The following DCLK1 variants were observed in gnomAD, a reference collection of about 807,000 sequenced individuals.
The protein encoded by DCLK1 is doublecortin like kinase 1.
A neutral mutation model predicts 86.2 loss-of-function variants in DCLK1; 16 were observed. That is an observed-to-expected ratio of 0.19 (90% CI 0.13 to 0.28). The LOEUF is 0.28. Ranked by LOEUF, DCLK1 falls within the 10% of genes least tolerant of loss-of-function variation. The probability of loss-of-function intolerance (pLI) is 1.00; values close to 1 mark genes in which losing one functional copy is unlikely to be tolerated. For synonymous variants in DCLK1, 369 were observed against 370.5 expected, an observed-to-expected ratio of 1.00 and a Z score of 0.05; for missense variants, 590 against 940.2, an observed-to-expected ratio of 0.63 and a Z score of 4.87.
chr13:35,954,591 CCCTT>C (rs1395519803), intron 3 of DCLK1, among the ~76,000 whole-genome samples: 22 of 152,126 alleles, frequency 1.4e-4, no homozygotes, highest in African/African-American at 5.1e-4. Context: ...CATTCTCCAT[CCCTT>C]CTTTACATTT....
intron 4 of DCLK1, among the ~76,000 whole-genome samples, chr13:35,939,677 T>C (rs1378419465): frequency 6.6e-6 from 1 of 152,214 alleles, no homozygotes; most frequent in Non-Finnish European, 1.5e-5. Context: ...ATCACAGGCA[T>C]GAGCCACCAT....
chr13:35,867,929 GAAA>G (rs1871948209), intron 5 of DCLK1, among the ~76,000 whole-genome samples: 1 of 133,920 alleles, frequency 7.5e-6, no homozygotes, highest in Non-Finnish European at 1.6e-5. Flanking sequence ...AAGAAAGAAA[GAAA>G]GAAAGAAAGA....
intron 3 of DCLK1, among the ~76,000 whole-genome samples, chr13:36,110,027 T>G (rs1885552456): frequency 6.6e-6 from 1 of 152,216 alleles, no homozygotes; most frequent in South Asian, 2.1e-4. Context: ...AATTCTGAAG[T>G]GCAGCAGGGA....
intron 4 of DCLK1, among the ~76,000 whole-genome samples, chr13:35,895,872 A>T (rs879900059): frequency 6.6e-6 from 1 of 152,110 alleles, no homozygotes; most frequent in Non-Finnish European, 1.5e-5. Context: ...AAAAACTATT[A>T]CATCTACTAC....
At chr13:35,899,267 C>T (rs1367952393) in intron 4 of DCLK1, among the ~76,000 whole-genome samples, 1 of 151,724 alleles carries the variant, frequency 6.6e-6, no homozygotes, top group Non-Finnish European at 1.5e-5. Flanking sequence ...TCCCAAGCCC[C>T]AGGATAATAA....
At chr13:35,926,654 G>T (rs143944935) in intron 4 of DCLK1, among the ~76,000 whole-genome samples, 2 of 152,278 alleles carry the variant, frequency 1.3e-5, no homozygotes, top group East Asian at 3.9e-4. Context: ...CAGTTTCTTA[G>T]AACTGAAAAA....
chr13:35,859,223 C>T (rs1017844920), intron 5 of DCLK1, among the ~76,000 whole-genome samples: 1 of 152,152 alleles, frequency 6.6e-6, no homozygotes, highest in African/African-American at 2.4e-5. Flanking sequence ...CAGGGCTGAA[C>T]AATTAATTAT....
At chr13:36,032,854 G>A (rs186974149) in intron 3 of DCLK1, among the ~76,000 whole-genome samples, 9 of 152,328 alleles carry the variant, frequency 5.9e-5, no homozygotes, top group Admixed American at 5.2e-4. Context: ...AAACTTGGGT[G>A]TCTAAAAGTT....
chr13:35,919,965 C>G (rs996411292), intron 4 of DCLK1, among the ~76,000 whole-genome samples: 1 of 151,872 alleles, frequency 6.6e-6, no homozygotes, highest in Non-Finnish European at 1.5e-5. Context: ...ACGACACAGC[C>G]GGCAAATAAA....
chr13:35,810,845 C>A lies in DCLK1; in HGVS notation c.1678G>T (p.Ala560Ser). 6.2e-7 allele frequency: 1 copy of A among 1,613,858 alleles called. No individual in the cohort carries two copies. The highest frequency in any genetic ancestry group is 8.5e-7 in the Non-Finnish European group (1 of 1,179,902). The change falls in exon 12 of 17, where the codon GCA becomes TCA. Residue 560 changes from alanine to serine, a missense_variant. Transcript: ENST00000360631. ...AAGAGAAGCATTTACCCAGTCTCTGCAATGATTTCTGGAGCCACGTATGTT... is the reference window on the plus strand; with the variant it reads ...AAGAGAAGCATTTACCCAGTCTCTGAAATGATTTCTGGAGCCACGTATGTT... ...TPTYVAPEII[A>S]ETGYGLKVDI...
intron 3 of DCLK1, among the ~76,000 whole-genome samples, chr13:36,083,674 G>T (rs1474425844): frequency 6.6e-6 from 1 of 152,038 alleles, no homozygotes; most frequent in South Asian, 2.1e-4. Flanking sequence ...ATTCCTCCAG[G>T]AACAATCTTT....
chr13:36,130,973 G>A (rs1293430946), intron 1 of DCLK1, 141 bp downstream of exon 1: 1 of 151,562 alleles, frequency 6.6e-6, no homozygotes, highest in Non-Finnish European at 1.5e-5. Flanking sequence ...GCCTTTCGAG[G>A]AACTGCGGGC....
intron 4 of DCLK1, among the ~76,000 whole-genome samples, chr13:35,939,317 A>T (rs1310268932): frequency 6.6e-6 from 1 of 152,170 alleles, no homozygotes; most frequent in Non-Finnish European, 1.5e-5. Flanking sequence ...ATCATACCAG[A>T]TTTTATATCC....
In DCLK1 at chr13:35,899,328, G is replaced by A. The variant is rs185083332; in HGVS notation, c.824-27988C>T. 1.2e-4 allele frequency among the ~76,000 whole-genome samples: 18 copies of A among 148,342 alleles called. No homozygotes were observed. The East Asian group carries it at 1.6e-3, about 13-fold the overall frequency. On this transcript the variant is annotated intron_variant, in intron 4 of 16. Transcript: ENST00000360631. ...TTTTTCATTTTAAGTATGTGTCAAC[G>A]AGAAATACAAGTGTGTGTGTGTGTG...
intron 1 of DCLK1, among the ~76,000 whole-genome samples, chr13:36,129,681 C>T (rs909770656): frequency 6.6e-6 from 1 of 152,230 alleles, no homozygotes; most frequent in African/African-American, 2.4e-5. Context: ...GAACACACAG[C>T]TCAATGTTCA....
intron 3 of DCLK1, among the ~76,000 whole-genome samples, chr13:36,032,259 A>G (rs1882313127): frequency 6.6e-6 from 1 of 151,386 alleles, no homozygotes; most frequent in Non-Finnish European, 1.5e-5. Context: ...CTCCTGCCTC[A>G]GCCTCCCGAG....
chr13:35,934,469 G>A (rs911630831), intron 4 of DCLK1, among the ~76,000 whole-genome samples: 1 of 152,202 alleles, frequency 6.6e-6, no homozygotes, highest in African/African-American at 2.4e-5. Flanking sequence ...AAGGCAAGGA[G>A]GAGCAAGTAA....
intron 3 of DCLK1, among the ~76,000 whole-genome samples, chr13:35,980,849 G>C (rs1360091491): frequency 1.3e-5 from 2 of 151,868 alleles, no homozygotes; most frequent in African/African-American, 4.8e-5. Context: ...TTAAAGAAGG[G>C]GTCTTGCCAT....
intron 3 of DCLK1, among the ~76,000 whole-genome samples, chr13:36,046,663 T>G (rs551462105): frequency 6.6e-6 from 1 of 152,354 alleles, no homozygotes; most frequent in East Asian, 1.9e-4. Flanking sequence ...GAGTGTGTTA[T>G]GACCCCATTC....
Sources: allele counts gnomAD v4.1 joint callset (sites outside exome capture counted in the v4.1 genomes callset), GRCh38; gene constraint gnomAD v4.1.1; transcripts MANE v1.5; gene names NCBI Gene and HGNC (gene_info 2026-07-23, HGNC 2026-07-21).